The following THSD7B variants were observed in gnomAD, a reference collection of about 807,000 sequenced individuals.
The protein encoded by THSD7B is thrombospondin type 1 domain containing 7B.
Under a neutral mutation model 213.6 loss-of-function variants are expected in THSD7B, and 138 were observed. The observed-to-expected ratio is 0.65, with a 90% confidence interval of 0.56 to 0.74. The LOEUF (loss-of-function observed/expected upper bound fraction) is 0.74, where lower values mean the gene tolerates loss of function less well. Among genes scored for constraint, THSD7B ranks in the 30% least tolerant of loss-of-function variants. THSD7B has a pLI of 0.00. For missense variants in THSD7B, 1,931 were observed against 1,991.5 expected (o/e 0.97, Z 0.58); for synonymous variants, 742 against 687.0 (o/e 1.08, Z -1.25).
At chr2:137,268,231 G>A (rs960193444) in intron 10 of THSD7B, among the ~76,000 whole-genome samples, 1 of 151,902 alleles carries the variant, frequency 6.6e-6, no homozygotes, top group Admixed American at 6.6e-5. Flanking sequence ...GTATACATGT[G>A]CCATGTTGGT....
chr2:137,422,847 A>G (rs1267932994), intron 14 of THSD7B, among the ~76,000 whole-genome samples: 1 of 152,046 alleles, frequency 6.6e-6, no homozygotes, highest in African/African-American at 2.4e-5. Flanking sequence ...TGGAATCAAG[A>G]TTTCTTTATT....
At chr2:136,813,467 A>G (rs1377032595) in intron 1 of THSD7B, among the ~76,000 whole-genome samples, 2 of 144,016 alleles carry the variant, frequency 1.4e-5, no homozygotes, top group Non-Finnish European at 2.9e-5. Flanking sequence ...TTAAACGTAT[A>G]CACACAGAAT....
chr2:136,776,249 A>T (rs777647836), intron 1 of THSD7B, among the ~76,000 whole-genome samples: 15 of 152,138 alleles, frequency 9.9e-5, no homozygotes, highest in Non-Finnish European at 1.9e-4. Flanking sequence ...CATTGTTTGG[A>T]TTCTGGGTTA....
chr2:137,420,473 A>G (rs985108377), intron 14 of THSD7B, among the ~76,000 whole-genome samples: 3 of 152,108 alleles, frequency 2.0e-5, no homozygotes, highest in African/African-American at 7.2e-5. Context: ...AGAACCCACT[A>G]GGAGAGGAGC....
chr2:137,033,890 A>G (rs1183023485), intron 2 of THSD7B, among the ~76,000 whole-genome samples: 1 of 151,978 alleles, frequency 6.6e-6, no homozygotes, highest in African/African-American at 2.4e-5. Flanking sequence ...TGCTGCACCC[A>G]TCAACCAGTC....
intron 2 of THSD7B, among the ~76,000 whole-genome samples, chr2:137,040,702 A>G (rs1326053670): frequency 1.3e-5 from 2 of 152,122 alleles, no homozygotes; most frequent in Non-Finnish European, 1.5e-5. Context: ...AGAGGTAGCT[A>G]TATTTCTTTC....
rs953479735 is a variant in THSD7B at position 137,360,564 on chromosome 2, C to T, written c.2501-45049C>T. Among the ~76,000 whole-genome samples, 37 of 152,176 alleles carry T rather than the reference C, an allele frequency of 2.4e-4. 1 individual carries two copies. Among genetic ancestry groups the T allele is most frequent in the Non-Finnish European group, 5.9e-5 (4 of 68,034 alleles). ...CAAACAGCACACCAGGAGATTATAT[C>T]CCTTGCCTGGCTCAGTGGGTGCCAA... is the stretch of plus-strand genomic sequence containing the variant. On this transcript the variant is annotated intron_variant, in intron 12 of 27. Coordinates refer to ENST00000409968, the MANE Select transcript of THSD7B (RefSeq NM_001316349.2).
intron 9 of THSD7B, among the ~76,000 whole-genome samples, chr2:137,235,396 C>A (rs569393246): frequency 6.6e-6 from 1 of 152,274 alleles, no homozygotes; most frequent in East Asian, 1.9e-4. Flanking sequence ...CTTTGACCCA[C>A]TATGACAGGA....
At chr2:137,347,886 T>TTA (rs1684912808) in intron 12 of THSD7B, among the ~76,000 whole-genome samples, 1 of 151,688 alleles carries the variant, frequency 6.6e-6, no homozygotes, top group South Asian at 2.1e-4. Flanking sequence ...AGCATTAAAA[T>TTA]TAGAATTGTC....
intron 3 of THSD7B, among the ~76,000 whole-genome samples, chr2:137,078,042 T>A (rs1028599422): frequency 5.3e-5 from 8 of 152,182 alleles, no homozygotes; most frequent in African/African-American, 7.2e-5. Context: ...CTTTCTACAT[T>A]TGGCTAGCCA....
intron 2 of THSD7B, among the ~76,000 whole-genome samples, chr2:137,039,441 T>G (rs1429432146): frequency 6.6e-6 from 1 of 152,236 alleles, no homozygotes; most frequent in Non-Finnish European, 1.5e-5. Flanking sequence ...GATACTGCCA[T>G]TTAAAGGGTT....
chr2:137,450,389 G>T (rs2105065343), intron 14 of THSD7B, among the ~76,000 whole-genome samples: 1 of 152,274 alleles, frequency 6.6e-6, no homozygotes, highest in African/African-American at 2.4e-5. Flanking sequence ...TCCACTGTCT[G>T]TCCTCTTCCC....
At chr2:137,369,805 C>T (rs1464116162) in intron 12 of THSD7B, among the ~76,000 whole-genome samples, 2 of 152,170 alleles carry the variant, frequency 1.3e-5, no homozygotes, top group African/African-American at 2.4e-5. Context: ...AAATAAATTA[C>T]ATTGCCCACC....
intron 7 of THSD7B, among the ~76,000 whole-genome samples, chr2:137,224,587 G>C (rs1431998256): frequency 6.6e-6 from 1 of 152,092 alleles, no homozygotes; most frequent in Non-Finnish European, 1.5e-5. Flanking sequence ...ATGCTTTGAG[G>C]GTTAAATAAG....
chr2:137,277,632 G>A (rs1487693988), intron 12 of THSD7B, among the ~76,000 whole-genome samples: 1 of 152,092 alleles, frequency 6.6e-6, no homozygotes, highest in Non-Finnish European at 1.5e-5. Context: ...TAAATTAGGA[G>A]CCATCGGTAA....
intron 14 of THSD7B, among the ~76,000 whole-genome samples, chr2:137,441,630 A>C (rs1687414276): frequency 6.6e-6 from 1 of 152,234 alleles, no homozygotes; most frequent in Non-Finnish European, 1.5e-5. Flanking sequence ...AGCCCAGTTA[A>C]GGGGCTATTA....
intron 15 of THSD7B, among the ~76,000 whole-genome samples, chr2:137,500,834 G>A (rs1193996808): frequency 2.0e-5 from 3 of 152,176 alleles, no homozygotes; most frequent in Non-Finnish European, 2.9e-5. Context: ...GTCAGTCAAT[G>A]CCTCCTTACA....
chr2:137,113,530 G>C (rs1688390497), intron 4 of THSD7B, among the ~76,000 whole-genome samples: 2 of 152,028 alleles, frequency 1.3e-5, no homozygotes, highest in African/African-American at 4.8e-5. Flanking sequence ...TCCGCCTCCT[G>C]GGTTCAAGTG....
At chr2:137,013,916 T>G (rs1481707268) in intron 2 of THSD7B, among the ~76,000 whole-genome samples, 1 of 152,196 alleles carries the variant, frequency 6.6e-6, no homozygotes, top group Admixed American at 6.5e-5. Context: ...CAGCAGTCTG[T>G]TACATTCATG....
Sources: allele counts gnomAD v4.1 joint callset (sites outside exome capture counted in the v4.1 genomes callset), GRCh38; gene constraint gnomAD v4.1.1; transcripts MANE v1.5; gene names NCBI Gene and HGNC (gene_info 2026-07-23, HGNC 2026-07-21).